Variants in PSD3 observed in about 807,000 individuals in gnomAD.
PSD3 encodes pleckstrin and Sec7 domain containing 3.
A neutral mutation model predicts 105.5 loss-of-function variants in PSD3; 49 were observed. The observed-to-expected ratio is 0.46, with a 90% CI of 0.37 to 0.59. The LOEUF (loss-of-function observed/expected upper bound fraction) is 0.59. Among genes scored for constraint, PSD3 ranks in the 20% least tolerant of loss-of-function variants. The pLI is 0.00. For synonymous variants in PSD3, 557 were observed against 457.8 expected, an observed-to-expected ratio of 1.22 and a Z score of -2.77; for missense variants, 1,561 against 1,263.8, an observed-to-expected ratio of 1.24 and a Z score of -3.57.
At chr8:18,840,656 C>T (rs1022976142) in intron 4 of PSD3, among the ~76,000 whole-genome samples, 3 of 152,168 alleles carry the variant, frequency 2.0e-5, no homozygotes, top group Admixed American at 6.5e-5. Context: ...TCCCATAACA[C>T]GGCAGGCCAG....
chr8:18,959,871 C>G lies in PSD3; in HGVS notation c.22-23729G>C, dbSNP rs555576348. Among the ~76,000 whole-genome samples the G allele has an allele frequency of 5.3e-5, 8 of 152,280 alleles. 1 individual carries two copies. In the East Asian group the frequency reaches 1.5e-3, roughly 29 times the overall value. On this transcript the variant is annotated intron_variant, in intron 1 of 15. Transcript: ENST00000327040. Reference sequence around the variant, plus strand: ...TGCCGAGCTGAGGATCTCCTTCTTACAAATTCACCAATCAGATAAGCCACT... The same window carrying G: ...TGCCGAGCTGAGGATCTCCTTCTTAGAAATTCACCAATCAGATAAGCCACT...
chr8:18,893,628 AG>A (rs2060579085), intron 2 of PSD3, among the ~76,000 whole-genome samples: 1 of 151,958 alleles, frequency 6.6e-6, no homozygotes, highest in Admixed American at 6.6e-5. Flanking sequence ...AGGGCAGGGA[AG>A]CAGGATCGGA....
In PSD3 at chr8:18,578,846, G is replaced by A. The variant is rs368153076; in HGVS notation, c.2482-3561C>T. On this transcript the variant is annotated intron_variant, in intron 12 of 15. Coordinates refer to ENST00000327040, the MANE Select transcript of PSD3 (RefSeq NM_015310.4). ...TTTTAAAAGAGGACTCTATTCCAAG[G>A]TAGTTTCCTAAACTCTAAGGTAAAC... 2.8e-4 allele frequency among the ~76,000 whole-genome samples: 42 copies of A among 152,042 alleles called. No homozygotes were observed. The South Asian group carries it at 8.5e-3, about 31-fold the overall frequency.
At chr8:18,689,383 C>A (rs899287166) in intron 9 of PSD3, among the ~76,000 whole-genome samples, 1 of 152,122 alleles carries the variant, frequency 6.6e-6, no homozygotes, top group Non-Finnish European at 1.5e-5. Context: ...GCAGACACTT[C>A]CCTCTTTGCT....
intron 14 of PSD3, among the ~76,000 whole-genome samples, chr8:18,565,284 A>G (rs1801665737): frequency 6.6e-6 from 1 of 152,190 alleles, no homozygotes; most frequent in African/African-American, 2.4e-5. Flanking sequence ...AGGGCCGGCC[A>G]TGCATTTCTG....
At chr8:18,593,211 T>G (rs1262103944) in intron 12 of PSD3, among the ~76,000 whole-genome samples, 2 of 152,144 alleles carry the variant, frequency 1.3e-5, no homozygotes, top group Admixed American at 6.5e-5. Flanking sequence ...AGAAAATTTT[T>G]CCAATCTACT....
At chr8:18,765,578 G>C (rs1806913743) in intron 8 of PSD3, 40 bp from the exon 9 acceptor site, 2 of 1,424,782 alleles carry the variant, frequency 1.4e-6, no homozygotes, top group East Asian at 4.6e-5. Flanking sequence ...TGACATTCAT[G>C]GAATTAAGAC....
intron 8 of PSD3, among the ~76,000 whole-genome samples, chr8:18,770,858 G>A (rs543809346): frequency 6.6e-6 from 1 of 152,322 alleles, no homozygotes; most frequent in African/African-American, 2.4e-5. Flanking sequence ...GGGCACCTGA[G>A]CTCTTTACCA....
chr8:19,025,903 G>C (rs1427770626), intron 1 of PSD3, among the ~76,000 whole-genome samples: 1 of 152,130 alleles, frequency 6.6e-6, no homozygotes, highest in Non-Finnish European at 1.5e-5. Flanking sequence ...TACCAATAAA[G>C]ACATACCTGA....
At chr8:18,631,393 T>C (rs746305843) in intron 11 of PSD3, among the ~76,000 whole-genome samples, 6 of 151,934 alleles carry the variant, frequency 3.9e-5, no homozygotes, top group Non-Finnish European at 8.8e-5. Flanking sequence ...AATCCTGTCC[T>C]AGAACAGACT....
chr8:18,850,857 G>A lies in PSD3; in HGVS notation c.1634+16817C>T, dbSNP rs552747933. On this transcript the variant is annotated intron_variant, in intron 4 of 15. Transcript: ENST00000327040. ...GCAGGGCCTCAATAAAGGACCAGCT[G>A]AATCAACAAAAGGGAGTGGCTTCCT... 1.4e-4 allele frequency among the ~76,000 whole-genome samples: 22 copies of A among 152,238 alleles called. No homozygotes were observed. In the South Asian group the frequency reaches 1.7e-3, roughly 11 times the overall value.
chr8:18,636,909 T>A (rs1807295380), intron 10 of PSD3, among the ~76,000 whole-genome samples: 1 of 152,218 alleles, frequency 6.6e-6, no homozygotes, highest in African/African-American at 2.4e-5. Flanking sequence ...TATGACTGTA[T>A]ATATAAGTAC....
chr8:18,691,133 G>T (rs1230994960), intron 9 of PSD3, among the ~76,000 whole-genome samples: 2 of 152,174 alleles, frequency 1.3e-5, no homozygotes, highest in Non-Finnish European at 2.9e-5. Flanking sequence ...CAAAGCAACA[G>T]GATGGGGGGA....
chr8:18,640,633 G>A lies in PSD3; in HGVS notation c.2217-7827C>T, dbSNP rs181860136. Among the ~76,000 whole-genome samples the A allele has an allele frequency of 4.5e-3, 692 of 152,204 alleles. 4 individuals carry two copies. Among genetic ancestry groups the A allele is most frequent in the Non-Finnish European group, 5.7e-3 (386 of 68,020 alleles). ...TTTCCTGAGGCCTTCCCACCTCTGC[G>A]GAACTGTGAGTCAATTAAACCTCTT... On this transcript the variant is annotated intron_variant, in intron 10 of 15. Transcript: ENST00000327040.
chr8:18,578,734 C>CA (rs67557349), intron 12 of PSD3, among the ~76,000 whole-genome samples: 50,125 of 145,358 alleles, frequency 0.34, 8,691 homozygotes, highest in East Asian at 0.52. Context: ...CTTAAAAATG[C>CA]AAAAAAAAAA....
chr8:18,602,986 G>C (rs369834790), intron 11 of PSD3, among the ~76,000 whole-genome samples: 9 of 152,338 alleles, frequency 5.9e-5, no homozygotes, highest in African/African-American at 1.9e-4. Context: ...AACTTGATGA[G>C]AGGAAGAGTG....
chr8:19,052,797 T>C (rs527952938), intron 1 of PSD3, among the ~76,000 whole-genome samples: 1 of 44,344 alleles, frequency 2.3e-5, no homozygotes, highest in Non-Finnish European at 9.1e-5. Flanking sequence ...GGTGGGTGGG[T>C]CCATTGGGTG....
At chr8:18,962,185 G>A (rs1208348935) in intron 1 of PSD3, among the ~76,000 whole-genome samples, 1 of 151,996 alleles carries the variant, frequency 6.6e-6, no homozygotes, top group Non-Finnish European at 1.5e-5. Context: ...GGCGGAGGTT[G>A]CAGTGAGCCA....
At chr8:18,928,778 T>C (rs1367144598) in intron 2 of PSD3, among the ~76,000 whole-genome samples, 4 of 151,772 alleles carry the variant, frequency 2.6e-5, no homozygotes, top group African/African-American at 9.7e-5. Flanking sequence ...GTTTCCTTCC[T>C]TCCTTCTTTC....
Sources: allele counts gnomAD v4.1 joint callset (sites outside exome capture counted in the v4.1 genomes callset), GRCh38; gene constraint gnomAD v4.1.1; transcripts MANE v1.5; gene names NCBI Gene and HGNC (gene_info 2026-07-23, HGNC 2026-07-21).